FMO3: variants seen among roughly 807,000 people sequenced by gnomAD.
The protein encoded by FMO3 is flavin-containing monooxygenase 3.
A neutral mutation model predicts 39.4 loss-of-function variants in FMO3; 40 were observed. That is an observed-to-expected ratio of 1.02 (90% confidence interval 0.79 to 1.32). The LOEUF is 1.32. Among genes scored for constraint, FMO3 ranks in the 40% most tolerant of loss-of-function variants. The probability of loss-of-function intolerance (pLI) is 0.00; values close to 1 mark genes in which losing one functional copy is unlikely to be tolerated. For synonymous variants in FMO3, 219 were observed against 228.8 expected (o/e 0.96, Z 0.39); for missense variants, 680 against 651.8 (o/e 1.04, Z -0.47).
chr1:171,112,730 C>T (rs1655967837), intron 6 of FMO3, among the ~76,000 whole-genome samples: 1 of 152,054 alleles, frequency 6.6e-6, no homozygotes. Flanking sequence ...GAGGCTCAAA[C>T]CAGAAGTTAA....
chr1:171,096,380 A>C (rs1163390558), intron 2 of FMO3, among the ~76,000 whole-genome samples: 1 of 100,358 alleles, frequency 1.0e-5, no homozygotes, highest in African/African-American at 4.2e-5. Context: ...TTATAATTAT[A>C]TATATGTTAT....
chr1:171,096,159 A>AT (rs1655025207), intron 2 of FMO3, among the ~76,000 whole-genome samples: 1 of 75,858 alleles, frequency 1.3e-5, no homozygotes, highest in African/African-American at 6.1e-5. Context: ...ATGAATATAT[A>AT]ATATATATAA....
rs1375178684 is a variant in FMO3 at position 171,103,831 on chromosome 1, C to A, written c.179C>A (p.Ser60Tyr). The A allele has an allele frequency of 6.2e-7, 1 of 1,613,780 alleles. No individual in the cohort carries two copies. The highest frequency in any genetic ancestry group is 2.2e-5 in the East Asian group (1 of 44,858). ...GRASIYKSVF[S>Y]NSSKEMMCFP... ...GCTAGCATTTACAAATCAGTCTTTT[C>A]CAACTCTTCCAAAGAGATGATGTGT... The change falls in exon 3 of 9, where the codon TCC (serine) becomes TAC (tyrosine). Residue 60 changes from serine (S) to tyrosine (Y), a missense_variant. Coordinates refer to ENST00000367755, the MANE Select transcript of FMO3 (RefSeq NM_001002294.3).
At position 171,103,858 on chromosome 1, in the gene FMO3, T is replaced by G; in HGVS notation, c.206T>G (p.Phe69Cys). 1 of 1,613,808 alleles carries G rather than the reference T, an allele frequency of 6.2e-7. No individual in the cohort carries two copies. The highest frequency in any genetic ancestry group is 1.1e-5 in the South Asian group (1 of 91,076). Residue 69 changes from phenylalanine (F) to cysteine (C), a missense_variant, in exon 3 of 9, where the codon TTC (phenylalanine) becomes TGC (cysteine). Phe to Cys is a radical substitution (Grantham distance 205). Transcript: ENST00000367755. The part of the protein sequence containing the change: ...FSNSSKEMMC[F>C]PDFPFPDDFP... ...AACTCTTCCAAAGAGATGATGTGTT[T>G]CCCAGACTTCCCATTTCCCGATGAC... is the stretch of plus-strand genomic sequence containing the variant.
rs79111056 is a variant in FMO3, at chr1:171,101,655, C to A, written c.133-2130C>A. On this transcript the variant is annotated intron_variant, in intron 2 of 8. Coordinates refer to ENST00000367755, the MANE Select transcript of FMO3 (RefSeq NM_001002294.3). ...TGTTTACTACAGCACTTTCTATGCC[C>A]TTCTAGTTCTGACTTCTAACCCTGA... The A allele has an allele frequency of 3.7e-3, 1,743 of 474,048 alleles. 27 individuals carry two copies. Among genetic ancestry groups the A allele is most frequent in the African/African-American group, 0.031 (1,585 of 50,570 alleles). The allele number at this position is 474,048 out of a possible 1,614,324, so 29.4% of individuals were successfully genotyped here.
At chr1:171,112,838 C>T (rs937342808) in intron 6 of FMO3, among the ~76,000 whole-genome samples, 9 of 152,046 alleles carry the variant, frequency 5.9e-5, no homozygotes, top group African/African-American at 2.2e-4. Context: ...GGTCTGGGGA[C>T]TGAGTCCTGA....
At chr1:171,104,096 CCTCT>C in intron 3 of FMO3, 123 bp downstream of exon 3, 1 of 775,272 alleles carries the variant, frequency 1.3e-6, no homozygotes, top group Non-Finnish European at 2.2e-6. Flanking sequence ...AACAGTGTGG[CCTCT>C]CTAACTCTAG....
At chr1:171,095,050 C>G (rs1433812626) in intron 2 of FMO3, among the ~76,000 whole-genome samples, 2 of 152,062 alleles carry the variant, frequency 1.3e-5, no homozygotes, top group African/African-American at 4.8e-5. Flanking sequence ...CCTTCCAATC[C>G]ATGAGCATGA....
intron 8 of FMO3, 38 bp downstream of exon 8, chr1:171,116,318 A>C (rs756305240): frequency 8.9e-7 from 1 of 1,118,612 alleles, no homozygotes; most frequent in African/African-American, 1.5e-5. Flanking sequence ...TAGGATTTCC[A>C]TAGAAAAGTG....
intron 1 of FMO3, 143 bp downstream of exon 1, chr1:171,091,124 G>C (rs1292246899): frequency 6.6e-6 from 1 of 152,430 alleles, no homozygotes; most frequent in Non-Finnish European, 1.5e-5. Flanking sequence ...TACTTGGGAG[G>C]CTGAGGCAGG....
chr1:171,095,813 A>C lies in FMO3; in HGVS notation c.132+3023A>C, dbSNP rs1473907731. 4.3e-5 allele frequency among the ~76,000 whole-genome samples: 5 copies of C among 116,038 alleles called. No homozygotes were observed. The Admixed American group carries it at 5.7e-4, about 13-fold the overall frequency. The allele number at this position is 116,038 out of a possible 152,430, so 76.1% of individuals were successfully genotyped here. On this transcript the variant is annotated intron_variant, in intron 2 of 8. Coordinates refer to ENST00000367755, the MANE Select transcript of FMO3 (RefSeq NM_001002294.3). ...ATATAAAAAATATAAATATATATTT[A>C]TATAACTATATAGATTAAATATATA...
intron 5 of FMO3, 109 bp from the exon 6 acceptor site, chr1:171,110,689 T>G: frequency 9.7e-7 from 1 of 1,028,688 alleles, no homozygotes; most frequent in Non-Finnish European, 1.5e-6. Flanking sequence ...TGACACCACT[T>G]TCTGCAGCTG....
intron 2 of FMO3, among the ~76,000 whole-genome samples, chr1:171,102,645 C>T (rs941828941): frequency 1.3e-5 from 2 of 152,130 alleles, no homozygotes; most frequent in African/African-American, 4.8e-5. Flanking sequence ...TCAATTAAAT[C>T]AAATTCTCTG....
intron 6 of FMO3, among the ~76,000 whole-genome samples, chr1:171,112,255 A>G (rs935558031): frequency 1.3e-5 from 2 of 152,204 alleles, no homozygotes; most frequent in Non-Finnish European, 2.9e-5. Flanking sequence ...TTTACTCTGA[A>G]AGCAATGGGA....
intron 3 of FMO3, among the ~76,000 whole-genome samples, chr1:171,104,736 T>C (rs992872777): frequency 6.6e-6 from 1 of 152,010 alleles, no homozygotes; most frequent in African/African-American, 2.4e-5. Flanking sequence ...TAGCTGGATG[T>C]GGTGGCACAT....
rs145268387 is a variant in FMO3 at position 171,116,301 on chromosome 1, A to C, written c.1256+21A>C. 13 of 1,262,694 alleles carry C rather than the reference A, an allele frequency of 1.0e-5. No individual in the cohort carries two copies. The East Asian group carries it at 3.0e-4, about 29-fold the overall frequency. 78.2% of individuals were successfully genotyped at this position (1,262,694 alleles called of 1,614,324 possible). A position where few individuals can be genotyped will look rare whatever the true frequency, so the allele number is the denominator to read the frequency against. ...AAATGGTAAGAGTACCTATTGTAAT[A>C]GGAGTGTAGGATTTCCATAGAAAAG... On this transcript the variant is annotated intron_variant, in intron 8 of 8. Coordinates refer to ENST00000367755, the MANE Select transcript of FMO3 (RefSeq NM_001002294.3).
At position 171,117,697 on chromosome 1, in the gene FMO3, C is replaced by T. The variant is rs536146962; in HGVS notation, c.*255C>T. The T allele has an allele frequency of 1.1e-5, 4 of 366,776 alleles. No individual in the cohort carries two copies. In the Admixed American group the frequency reaches 1.7e-4, roughly 15 times the overall value. 22.7% of individuals were successfully genotyped at this position (366,776 alleles called of 1,614,324 possible). The stretch of plus-strand genomic sequence containing the variant: ...AACACTTCAAAATCAGAACTATGTT[C>T]TTTATATCTAACTTAAATCATTTCC... On this transcript the variant is annotated 3_prime_UTR_variant, in exon 9 of 9. Transcript: ENST00000367755.
intron 3 of FMO3, among the ~76,000 whole-genome samples, chr1:171,104,814 C>A (rs1655567174): frequency 6.6e-6 from 1 of 152,048 alleles, no homozygotes; most frequent in Non-Finnish European, 1.5e-5. Flanking sequence ...GTAGAGGTTG[C>A]AGTGAGCTGA....
rs182370951 is a variant in FMO3, at chr1:171,107,632, T to C, written c.322-43T>C. On this transcript the variant is annotated intron_variant, in intron 3 of 8. Coordinates refer to ENST00000367755, the MANE Select transcript of FMO3 (RefSeq NM_001002294.3). ...TCATACTGTATCTGCCAAAACCATTTGCTAGCATAGAAAAGAGGGATTTCT... is the reference window on the plus strand; with the variant it reads ...TCATACTGTATCTGCCAAAACCATTCGCTAGCATAGAAAAGAGGGATTTCT... The C allele has an allele frequency of 1.4e-4, 224 of 1,564,010 alleles. No individual in the cohort carries two copies. In the African/African-American group the frequency reaches 2.7e-3, roughly 19 times the overall value.
Sources: allele counts gnomAD v4.1 joint callset (sites outside exome capture counted in the v4.1 genomes callset), GRCh38; gene constraint gnomAD v4.1.1; transcripts MANE v1.5; gene names NCBI Gene and HGNC (gene_info 2026-07-23, HGNC 2026-07-21).